EYA1: variants seen among roughly 807,000 people sequenced by gnomAD.
EYA1 encodes the protein protein phosphatase EYA1.
Under a neutral mutation model 82.0 loss-of-function variants are expected in EYA1, and 16 were observed. The ratio of observed to expected loss-of-function variants is 0.20; its 90% CI spans 0.13 to 0.30. The LOEUF (loss-of-function observed/expected upper bound fraction) is 0.30, where lower values mean the gene tolerates loss of function less well. Ranked by LOEUF, EYA1 falls within the 10% of genes least tolerant of loss-of-function variation. The pLI, the probability that EYA1 is intolerant of heterozygous loss-of-function variation, is 1.00. For synonymous variants in EYA1, 261 were observed against 264.4 expected (o/e 0.99, Z 0.12); for missense variants, 633 against 730.7 (o/e 0.87, Z 1.54).
chr8:71,356,671 G>T (rs1826915428), intron 1 of EYA1, 160 bp from the exon 2 acceptor site: 1 of 1,335,058 alleles, frequency 7.5e-7, no homozygotes, highest in African/African-American at 1.5e-5. Flanking sequence ...TCTTTAAGTT[G>T]AGGTCTCAAC....
chr8:71,278,385 A>C (rs944850462), intron 9 of EYA1, among the ~76,000 whole-genome samples: 1 of 152,208 alleles, frequency 6.6e-6, no homozygotes, highest in African/African-American at 2.4e-5. Flanking sequence ...ACATATTGCC[A>C]AATAGTTTTC....
intron 2 of EYA1, chr8:71,448,706 A>C (rs1378901663): frequency 6.5e-6 from 1 of 152,818 alleles, no homozygotes; most frequent in Non-Finnish European, 1.5e-5. Context: ...TAGTTTTTAA[A>C]AATTTTTCCA....
intron 17 of EYA1, among the ~76,000 whole-genome samples, chr8:71,208,728 TA>T (rs570917722): frequency 1.6e-4 from 18 of 115,262 alleles, no homozygotes; most frequent in Non-Finnish European, 2.4e-4. Context: ...TAAAGTATAA[TA>T]AAAAAAAGAA....
chr8:71,398,357 G>A (rs13273674), intron 2 of EYA1, among the ~76,000 whole-genome samples: 32,904 of 152,138 alleles, frequency 0.22, 4,349 homozygotes, highest in Non-Finnish European at 0.29. Flanking sequence ...GCGTTCCTTT[G>A]GAGGAGAAAA....
chr8:71,323,187 C>T (rs1293607719), intron 4 of EYA1, among the ~76,000 whole-genome samples: 1 of 152,022 alleles, frequency 6.6e-6, no homozygotes, highest in East Asian at 1.9e-4. Context: ...ACATATATAT[C>T]TACACATATT....
At chr8:71,262,782 A>G (rs1160220833) in intron 11 of EYA1, among the ~76,000 whole-genome samples, 2 of 152,244 alleles carry the variant, frequency 1.3e-5, no homozygotes, top group Non-Finnish European at 2.9e-5. Flanking sequence ...AGATATGGCC[A>G]GAAGAGAGAT....
rs374772533 is a variant in EYA1 at position 71,271,894 on chromosome 8, T to C, written c.830A>G (p.Tyr277Cys). 2.2e-5 allele frequency: 35 copies of C among 1,614,108 alleles called. No homozygotes were observed. The highest frequency in any genetic ancestry group is 2.9e-5 in the Non-Finnish European group (34 of 1,180,042). Reference sequence around the variant, plus strand: ...TGTTGATGGGCTGTGGATTGTGCTGTACTCTGCAGGAATATAGGAAGGACT... The same window carrying C: ...TGTTGATGGGCTGTGGATTGTGCTGCACTCTGCAGGAATATAGGAAGGACT... ...SQAVTDPTAE[Y>C]STIHSPSTPI... Residue 277 changes from tyrosine (Y) to cysteine (C), a missense_variant, in exon 10 of 18, where the codon TAC (tyrosine) becomes TGC (cysteine). Physicochemically the swap from Tyr to Cys is radical, Grantham distance 194 (BLOSUM62 -2). Transcript: ENST00000340726.
chr8:71,479,942 A>G (rs1809999491), intron 2 of EYA1, among the ~76,000 whole-genome samples: 1 of 152,210 alleles, frequency 6.6e-6, no homozygotes, highest in South Asian at 2.1e-4. Context: ...GAGATTGGAA[A>G]CAATGAGCTG....
chr8:71,263,423 T>C (rs1586066575), intron 11 of EYA1, among the ~76,000 whole-genome samples: 1 of 152,222 alleles, frequency 6.6e-6, no homozygotes, highest in Admixed American at 6.5e-5. Context: ...ATCCCCACTC[T>C]AGACAACTAA....
chr8:71,374,245 G>A (rs1183426184), intron 2 of EYA1, among the ~76,000 whole-genome samples: 3 of 151,926 alleles, frequency 2.0e-5, no homozygotes, highest in Admixed American at 1.3e-4. Flanking sequence ...TCTGATAATT[G>A]GTTAATATCC....
chr8:71,465,404 C>T (rs1320250090), intron 2 of EYA1, among the ~76,000 whole-genome samples: 2 of 152,160 alleles, frequency 1.3e-5, no homozygotes, highest in African/African-American at 2.4e-5. Flanking sequence ...AGGAAAATCA[C>T]TCAAGGCCAG....
At chr8:71,522,141 T>C (rs1043690574) in intron 2 of EYA1, among the ~76,000 whole-genome samples, 2 of 152,252 alleles carry the variant, frequency 1.3e-5, no homozygotes, top group Middle Eastern at 3.4e-3. Flanking sequence ...TATAGCAAGG[T>C]TTCATTAAAA....
chr8:71,322,257 T>C lies in EYA1; in HGVS notation c.214A>G (p.Ser72Gly), dbSNP rs1275882788. 1.9e-6 allele frequency: 3 copies of C among 1,613,766 alleles called. No homozygotes were observed. Among genetic ancestry groups the C allele is most frequent in the Non-Finnish European group, 2.5e-6 (3 of 1,179,796 alleles). Residue 72 changes from serine (S) to glycine (G), a missense_variant, in exon 5 of 18, where the codon AGT (serine) becomes GGT (glycine). Ser to Gly is a moderately conservative substitution (Grantham distance 56). Transcript: ENST00000340726. ...TGAGTTGGTCGTGGGCTGAAACTAC[T>C]GCTCCCAATTGCTGGAAAACAAAAA... Reference protein sequence around the residue: ...NNFSGSAIGSSSFSPRPTHQF... With the variant: ...NNFSGSAIGSGSFSPRPTHQF...
chr8:71,545,322 T>C (rs1408448432), intron 1 of EYA1, among the ~76,000 whole-genome samples: 1 of 152,246 alleles, frequency 6.6e-6, no homozygotes, highest in Non-Finnish European at 1.5e-5. Flanking sequence ...TAATGCAATA[T>C]ACTCAGTTGT....
intron 2 of EYA1, among the ~76,000 whole-genome samples, chr8:71,456,980 A>AG: frequency 6.6e-6 from 1 of 152,342 alleles, no homozygotes; most frequent in South Asian, 2.1e-4. Flanking sequence ...GGCAACCTAC[A>AG]GAATGGGAGA....
intron 2 of EYA1, among the ~76,000 whole-genome samples, chr8:71,524,330 A>G (rs767898401): frequency 2.6e-5 from 4 of 152,236 alleles, no homozygotes; most frequent in Non-Finnish European, 5.9e-5. Flanking sequence ...AGCACTGAGA[A>G]TGAATAAAGT....
intron 2 of EYA1, among the ~76,000 whole-genome samples, chr8:71,469,251 T>A (rs982079945): frequency 2.0e-5 from 3 of 152,120 alleles, no homozygotes; most frequent in African/African-American, 7.2e-5. Flanking sequence ...ATGTGGTAAG[T>A]ACTGGGTGTG....
At chr8:71,357,799 A>T (rs867306023) in intron 1 of EYA1, among the ~76,000 whole-genome samples, 1 of 152,224 alleles carries the variant, frequency 6.6e-6, no homozygotes. Context: ...ATGAAAAACA[A>T]TTTTTAAAAG....
chr8:71,265,433 T>C (rs895469370), intron 11 of EYA1, among the ~76,000 whole-genome samples: 4 of 152,234 alleles, frequency 2.6e-5, no homozygotes, highest in Non-Finnish European at 4.4e-5. Flanking sequence ...AGTGTTCATG[T>C]TTTGTTTTTT....
Sources: gnomAD v4.1 joint callset for allele counts (sites outside exome capture counted in the v4.1 genomes callset) on GRCh38, gnomAD v4.1.1 for gene constraint, MANE v1.5 for transcripts, NCBI Gene and HGNC (gene_info 2026-07-23, HGNC 2026-07-21) for gene names.